LRRC40: variants seen among roughly 807,000 people sequenced by gnomAD.
LRRC40 encodes the protein leucine rich repeat containing 40.
A neutral mutation model predicts 72.8 loss-of-function variants in LRRC40; 76 were observed. The ratio of observed to expected loss-of-function variants is 1.04; its 90% CI spans 0.87 to 1.26. The LOEUF is 1.26. LRRC40 is among the 50% of genes most tolerant of loss of function. The pLI is 0.00. For missense variants in LRRC40, 684 were observed against 698.9 expected (o/e 0.98, Z 0.24); for synonymous variants, 243 against 254.2 (o/e 0.96, Z 0.42).
At chr1:70,165,322 G>T (rs1249054069) in intron 9 of LRRC40, among the ~76,000 whole-genome samples, 2 of 152,170 alleles carry the variant, frequency 1.3e-5, no homozygotes, top group African/African-American at 4.8e-5. Flanking sequence ...ACACTGGGAA[G>T]AATATAAATT....
At chr1:70,175,440 T>C (rs528728062) in intron 7 of LRRC40, among the ~76,000 whole-genome samples, 1 of 152,276 alleles carries the variant, frequency 6.6e-6, no homozygotes, top group East Asian at 1.9e-4. Context: ...CAAATGATTC[T>C]AAAACGTACC....
chr1:70,181,081 T>C lies in LRRC40; in HGVS notation c.661+5A>G. ...TATGTATTATGTAAAACAGAAAATA[T>C]TTACTTTTCATTCTATTTATTTCTG... On this transcript the variant is annotated splice_donor_5th_base_variant and intron_variant, in intron 5 of 14. Transcript: ENST00000370952. The C allele has an allele frequency of 1.3e-6, 2 of 1,488,872 alleles. No homozygotes were observed. Among genetic ancestry groups the C allele is most frequent in the Non-Finnish European group, 1.8e-6 (2 of 1,088,952 alleles). The allele number at this position is 1,488,872 out of a possible 1,614,324, so 92.2% of individuals were successfully genotyped here.
chr1:70,158,775 T>C (rs1405941604), intron 10 of LRRC40, among the ~76,000 whole-genome samples: 1 of 152,180 alleles, frequency 6.6e-6, no homozygotes, highest in Non-Finnish European at 1.5e-5. Context: ...ACTAAAATAC[T>C]AGTTTCTTAT....
In LRRC40 at chr1:70,179,037, AT is replaced by A. The variant is rs751367937; in HGVS notation, c.662-45del. The A allele has an allele frequency of 1.6e-4, 210 of 1,308,282 alleles. 1 individual carries two copies. The African/African-American group carries it at 2.9e-3, about 18-fold the overall frequency. 81.0% of individuals were successfully genotyped at this position (1,308,282 alleles called of 1,614,324 possible). A position where few individuals can be genotyped will look rare whatever the true frequency, so the allele number is the denominator to read the frequency against. On this transcript the variant is annotated intron_variant, in intron 5 of 14. Coordinates refer to ENST00000370952, the MANE Select transcript of LRRC40 (RefSeq NM_017768.5). ...AAAAAACAAAAATAGAGAAAAAAAAATTAGTTTCTGATCGTATACAACTTTA... is the reference window on the plus strand; with the variant it reads ...AAAAAACAAAAATAGAGAAAAAAAAATAGTTTCTGATCGTATACAACTTTA...
At chr1:70,182,033 T>G (rs554993310) in intron 4 of LRRC40, among the ~76,000 whole-genome samples, 50 of 152,092 alleles carry the variant, frequency 3.3e-4, no homozygotes, top group Admixed American at 8.5e-4. Context: ...AACCTAACAC[T>G]AAACAATTCA....
chr1:70,180,338 T>A (rs140773230), intron 5 of LRRC40: 1 of 152,142 alleles, frequency 6.6e-6, no homozygotes, highest in Admixed American at 6.6e-5. Context: ...GGATACCCGA[T>A]TGGCATAGCG....
chr1:70,186,732 G>T (rs1668367397), intron 3 of LRRC40, among the ~76,000 whole-genome samples: 1 of 152,114 alleles, frequency 6.6e-6, no homozygotes, highest in South Asian at 2.1e-4. Context: ...GTATCAGAGA[G>T]CAAACAGAGT....
Position 70,178,979 on chromosome 1 carries a change from C to T in LRRC40, c.676G>A (p.Asp226Asn). The change falls in exon 6 of 15, where the codon GAT becomes AAT. Residue 226 changes from aspartate (D) to asparagine (N), a missense_variant. Physicochemically the swap from Asp to Asn is conservative, Grantham distance 23. Transcript: ENST00000370952. ...INRMKRLKHL[D>N]CNSNLLETIP... Reference sequence around the variant, plus strand: ...GTTTCCAAGAGATTTGAATTACAATCCAAATGCTTCAACCCTGTAATATAT... The same window carrying T: ...GTTTCCAAGAGATTTGAATTACAATTCAAATGCTTCAACCCTGTAATATAT... 1 of 1,594,888 alleles carries T rather than the reference C, an allele frequency of 6.3e-7. No individual in the cohort carries two copies. Among genetic ancestry groups the T allele is most frequent in the South Asian group, 1.1e-5 (1 of 87,740 alleles).
intron 1 of LRRC40, among the ~76,000 whole-genome samples, chr1:70,198,869 G>A (rs1668672676): frequency 6.6e-6 from 1 of 152,014 alleles, no homozygotes; most frequent in Non-Finnish European, 1.5e-5. Flanking sequence ...TAAAAAATAG[G>A]GCCAGGCACA....
intron 4 of LRRC40, among the ~76,000 whole-genome samples, chr1:70,183,044 C>T (rs1668280393): frequency 6.6e-6 from 1 of 152,102 alleles, no homozygotes; most frequent in South Asian, 2.1e-4. Flanking sequence ...CTTTGCCATT[C>T]ATTTTATCTA....
At chr1:70,200,425 T>A (rs1206596245) in intron 1 of LRRC40, among the ~76,000 whole-genome samples, 1 of 151,940 alleles carries the variant, frequency 6.6e-6, no homozygotes, top group Non-Finnish European at 1.5e-5. Flanking sequence ...CATGCCACTG[T>A]ACTCTAGCCC....
intron 9 of LRRC40, among the ~76,000 whole-genome samples, chr1:70,166,529 C>T (rs550275964): frequency 6.6e-5 from 10 of 152,076 alleles, no homozygotes; most frequent in Non-Finnish European, 1.2e-4. Context: ...TAGTGGTGCA[C>T]ACCTGTAATC....
chr1:70,175,950 C>T lies in LRRC40; in HGVS notation c.837G>A (p.Met279Ile). 1 of 1,584,164 alleles carries T rather than the reference C, an allele frequency of 6.3e-7. No homozygotes were observed. Among genetic ancestry groups the T allele is most frequent in the Non-Finnish European group, 8.5e-7 (1 of 1,170,134 alleles). The change falls in exon 7 of 15, where the codon ATG (methionine) becomes ATA (isoleucine). Residue 279 changes from methionine to isoleucine, a missense_variant. By Grantham distance (10) the Met-to-Ile change is conservative. Coordinates refer to ENST00000370952, the MANE Select transcript of LRRC40 (RefSeq NM_017768.5). Reference protein sequence around the residue: ...ELHVGENQIEMLEAEHLKHLN... With the variant: ...ELHVGENQIEILEAEHLKHLN... ...GATGTTTAAGATGTTCTGCCTCTAA[C>T]ATTTCAATCTGGTTTTCACCTACGT...
intron 5 of LRRC40, 106 bp downstream of exon 5, chr1:70,180,980 A>C (rs1244201423): frequency 1.1e-5 from 9 of 808,356 alleles, no homozygotes; most frequent in Non-Finnish European, 1.6e-5. Flanking sequence ...TTACCACTAT[A>C]AAAATCTACT....
rs768236541 is a variant in LRRC40 at position 70,148,447 on chromosome 1, A to G, written c.1703+40T>C. On this transcript the variant is annotated intron_variant, in intron 14 of 14. Transcript: ENST00000370952. Reference sequence around the variant, plus strand: ...AAAAACAAATCACTTCAACAAATCAATAAAATAAATGAAACAATGCAGTAG... The same window carrying G: ...AAAAACAAATCACTTCAACAAATCAGTAAAATAAATGAAACAATGCAGTAG... 10 of 1,401,644 alleles carry G rather than the reference A, an allele frequency of 7.1e-6. No individual in the cohort carries two copies. In the East Asian group the frequency reaches 2.4e-4, roughly 33 times the overall value. The allele number at this position is 1,401,644 out of a possible 1,614,324, so 86.8% of individuals were successfully genotyped here.
At position 70,184,994 on chromosome 1, in the gene LRRC40, A is replaced by G. The variant is rs1668329559; in HGVS notation, c.408-80T>C. ...TATCAAAGACATTTCTTGCTAACCA[A>G]TGACACTGGACTCATAAAAATCAAA... is the stretch of plus-strand genomic sequence containing the variant. On this transcript the variant is annotated intron_variant, in intron 3 of 14. Transcript: ENST00000370952. The G allele has an allele frequency of 9.9e-6, 12 of 1,210,384 alleles. No individual in the cohort carries two copies. The South Asian group carries it at 1.1e-4, about 11-fold the overall frequency. 75.0% of individuals were successfully genotyped at this position (1,210,384 alleles called of 1,614,324 possible). A position where few individuals can be genotyped will look rare whatever the true frequency, so the allele number is the denominator to read the frequency against.
At chr1:70,197,475 C>G (rs1668640206) in intron 1 of LRRC40, among the ~76,000 whole-genome samples, 2 of 151,810 alleles carry the variant, frequency 1.3e-5, no homozygotes, top group African/African-American at 4.8e-5. Flanking sequence ...GACAGGGTCT[C>G]ATTATGTTGC....
chr1:70,171,375 A>C (rs1277534673), intron 9 of LRRC40, among the ~76,000 whole-genome samples: 4 of 152,036 alleles, frequency 2.6e-5, no homozygotes, highest in Non-Finnish European at 5.9e-5. Context: ...TTTATACTTC[A>C]AAGAACAACA....
chr1:70,160,839 T>TA (rs1335611323), intron 9 of LRRC40, among the ~76,000 whole-genome samples: 3 of 151,972 alleles, frequency 2.0e-5, no homozygotes, highest in African/African-American at 7.3e-5. Context: ...TCTTTTTCAT[T>TA]AAAAAAACAT....
Sources: gnomAD v4.1 joint callset for allele counts (sites outside exome capture counted in the v4.1 genomes callset) on GRCh38, gnomAD v4.1.1 for gene constraint, MANE v1.5 for transcripts, NCBI Gene and HGNC (gene_info 2026-07-23, HGNC 2026-07-21) for gene names.